SPEN: variants seen among roughly 807,000 people sequenced by gnomAD.
SPEN encodes msx2-interacting protein.
A neutral mutation model predicts 269.9 loss-of-function variants in SPEN; 18 were observed. The ratio of observed to expected loss-of-function variants is 0.07; its 90% CI spans 0.05 to 0.10. SPEN has a LOEUF of 0.10. Ranked by LOEUF, SPEN falls within the 10% of genes least tolerant of loss-of-function variation. The pLI is 1.00. For missense variants in SPEN, 3,822 were observed against 4,631.2 expected (o/e 0.83, Z 5.07); for synonymous variants, 1,726 against 1,765.7 (o/e 0.98, Z 0.56).
rs1254408756 is a variant in SPEN, at chr1:15,937,047, T to C, written c.10027-116T>C. 6.9e-7 allele frequency: 1 copy of C among 1,451,300 alleles called. No homozygotes were observed. Among genetic ancestry groups the C allele is most frequent in the East Asian group, 2.3e-5 (1 of 43,632 alleles). 89.9% of individuals were successfully genotyped at this position (1,451,300 alleles called of 1,614,324 possible). A position where few individuals can be genotyped will look rare whatever the true frequency, so the allele number is the denominator to read the frequency against. ...TCAGGCTCCTTCTGTGGGCCTGACTTAACGGGAGATGCCACATCTTATCCT... is the reference window on the plus strand; with the variant it reads ...TCAGGCTCCTTCTGTGGGCCTGACTCAACGGGAGATGCCACATCTTATCCT... On this transcript the variant is annotated intron_variant, in intron 11 of 14. Coordinates refer to ENST00000375759, the MANE Select transcript of SPEN (RefSeq NM_015001.3). This position sits in a 1 kb window ranked among gnomAD's most constrained non-coding sequence, Gnocchi z 5.7.
Position 15,937,603 on chromosome 1 carries a change from C to G in SPEN, c.10467C>G (p.His3489Gln). 1 of 1,614,140 alleles carries G rather than the reference C, an allele frequency of 6.2e-7. No homozygotes were observed. Among genetic ancestry groups the G allele is most frequent in the Non-Finnish European group, 8.5e-7 (1 of 1,179,954 alleles). Residue 3489 changes from histidine to glutamine, a missense_variant, in exon 12 of 15, where the codon CAC becomes CAG. His to Gln is a conservative substitution (Grantham distance 24). Coordinates refer to ENST00000375759, the MANE Select transcript of SPEN (RefSeq NM_015001.3). The surrounding 1 kb of genome is among the most constrained non-coding windows in gnomAD (Gnocchi z 5.7). ...CCCCCAAACAAGATTCCTCTCCACA[C>G]CTGACTTCCCAGAGACCCGTGGATA... is the stretch of plus-strand genomic sequence containing the variant. ...QPAPKQDSSP[H>Q]LTSQRPVDMV...
intron 1 of SPEN, among the ~76,000 whole-genome samples, chr1:15,871,898 G>A (rs1040186767): frequency 6.6e-6 from 1 of 152,094 alleles, no homozygotes; most frequent in Non-Finnish European, 1.5e-5. Flanking sequence ...CTTAGGTTCA[G>A]TAGTCGTTTT....
intron 3 of SPEN, among the ~76,000 whole-genome samples, chr1:15,881,482 C>G (rs1388056171): frequency 6.6e-6 from 1 of 152,154 alleles, no homozygotes; most frequent in Non-Finnish European, 1.5e-5. Context: ...GCAGAATGAA[C>G]TTTCTGGTGA....
At position 15,937,203 on chromosome 1, in the gene SPEN, CT is replaced by C; in HGVS notation, c.10068del (p.Val3357CysfsTer43). 1 of 1,613,674 alleles carries C rather than the reference CT, an allele frequency of 6.2e-7. No individual in the cohort carries two copies. Among genetic ancestry groups the C allele is most frequent in the Non-Finnish European group, 8.5e-7 (1 of 1,179,960 alleles). ...PEGEPLQPPQ[P>X]VQSTQPAQPA... The stretch of plus-strand genomic sequence containing the variant: ...GGTGAGCCCCTGCAGCCTCCTCAGC[CT>C]GTGCAGTCCACACAGCCTGCCCAGC... On this transcript the variant is annotated frameshift_variant, in exon 12 of 15. Transcript: ENST00000375759. LOFTEE classifies it high-confidence loss of function. This position sits in a 1 kb window ranked among gnomAD's most constrained non-coding sequence, Gnocchi z 5.7.
rs372933509 is a variant in SPEN at position 15,935,200 on chromosome 1, C to T, written c.8960C>T (p.Pro2987Leu). 1 of 1,614,156 alleles carries T rather than the reference C, an allele frequency of 6.2e-7. No homozygotes were observed. Among genetic ancestry groups the T allele is most frequent in the Non-Finnish European group, 8.5e-7 (1 of 1,180,014 alleles). Residue 2987 changes from proline (P) to leucine (L), a missense_variant, in exon 11 of 15, where the codon CCT becomes CTT. Physicochemically the swap from Pro to Leu is moderately conservative, Grantham distance 98. Transcript: ENST00000375759. This position sits in a 1 kb window ranked among gnomAD's most constrained non-coding sequence, Gnocchi z 7.7. ...GGGTCCACGCTCACGCCCCACCACC[C>T]TCCTGCTCTGCCCAGCAAACTGCCT... ...NLGSTLTPHH[P>L]PALPSKLPTE...
chr1:15,898,173 T>TTGTGTGTG (rs58297957), intron 3 of SPEN, among the ~76,000 whole-genome samples: 4,074 of 147,420 alleles, frequency 0.028, 84 homozygotes, highest in Non-Finnish European at 0.037. Context: ...TAATTTATCT[T>TTGTGTGTG]TGTGTGTGTG....
At chr1:15,851,594 G>T (rs1444346319) in intron 1 of SPEN, among the ~76,000 whole-genome samples, 2 of 152,316 alleles carry the variant, frequency 1.3e-5, no homozygotes, top group Middle Eastern at 3.4e-3. Flanking sequence ...CAGATTTTAA[G>T]TAAGTTGCGA....
Position 15,873,070 on chromosome 1 carries a change from G to A in SPEN, c.338G>A (p.Gly113Glu), listed in dbSNP as rs760634012. The change falls in exon 2 of 15, where the codon GGG becomes GAG. Residue 113 changes from glycine (G) to glutamate (E), a missense_variant. Gly to Glu is a moderately conservative substitution (Grantham distance 98, BLOSUM62 -2). This residue lies in a region of SPEN where 327 missense variants were observed against 350.8 expected (regional missense o/e 0.93). Transcript: ENST00000375759. ...TCTGGGTTCAGAGGAGGTGGTGGAG[G>A]GCCTGCTTATGGTCCCCCACCGTCA... ...EVSGFRGGGG[G>E]PAYGPPPSLH... The A allele has an allele frequency of 6.2e-7, 1 of 1,614,086 alleles. No homozygotes were observed.
intron 1 of SPEN, among the ~76,000 whole-genome samples, chr1:15,868,438 CTTTT>C (rs35701730): frequency 7.0e-6 from 1 of 141,984 alleles, no homozygotes; most frequent in Non-Finnish European, 1.5e-5. Flanking sequence ...TAGAATAAAA[CTTTT>C]TTTTTTTTTT....
chr1:15,924,373 C>T (rs2071147523), intron 10 of SPEN, among the ~76,000 whole-genome samples: 1 of 152,188 alleles, frequency 6.6e-6, no homozygotes, highest in Non-Finnish European at 1.5e-5. Context: ...CCTCTGTGTA[C>T]ATTAAATATT....
rs770502205 is a variant in SPEN, at chr1:15,937,656, G to A, written c.10509+11G>A. 7.5e-6 allele frequency: 12 copies of A among 1,609,854 alleles called. No homozygotes were observed. Among genetic ancestry groups the A allele is most frequent in the African/African-American group, 1.3e-5 (1 of 74,822 alleles). On this transcript the variant is annotated intron_variant, in intron 12 of 14. Coordinates refer to ENST00000375759, the MANE Select transcript of SPEN (RefSeq NM_015001.3). This position sits in a 1 kb window ranked among gnomAD's most constrained non-coding sequence, Gnocchi z 5.7. ...GTTCAACTTCTGAAGGTAAGCATGA[G>A]CAGGGGCTGCCCTTCCTGGCCCCCA...
chr1:15,893,371 G>A (rs1314275019), intron 3 of SPEN, among the ~76,000 whole-genome samples: 3 of 152,168 alleles, frequency 2.0e-5, no homozygotes, highest in Admixed American at 2.0e-4. Context: ...AATATGCTGT[G>A]TCATGGTGTG....
At chr1:15,849,278 A>T (rs959240879) in intron 1 of SPEN, among the ~76,000 whole-genome samples, 1 of 152,234 alleles carries the variant, frequency 6.6e-6, no homozygotes, top group Admixed American at 6.5e-5. Context: ...CTATGTAGTG[A>T]GTGAAGGAAA....
intron 3 of SPEN, among the ~76,000 whole-genome samples, chr1:15,904,463 A>AAAAAAAAAAAAAAAG (rs2070935495): frequency 6.7e-6 from 1 of 149,120 alleles, no homozygotes; most frequent in Non-Finnish European, 1.5e-5. Flanking sequence ...AAAAAAAAAA[A>AAAAAAAAAAAAAAAG]AAAAAAAAAA....
At chr1:15,884,430 AT>A (rs2148715486) in intron 3 of SPEN, among the ~76,000 whole-genome samples, 1 of 152,290 alleles carries the variant, frequency 6.6e-6, no homozygotes, top group East Asian at 1.9e-4. Context: ...AAATGCTGTC[AT>A]TTTTGTAGTC....
At chr1:15,885,672 T>G (rs971095857) in intron 3 of SPEN, among the ~76,000 whole-genome samples, 8 of 152,366 alleles carry the variant, frequency 5.3e-5, no homozygotes, top group Admixed American at 5.2e-4. Flanking sequence ...TGCCTCATTT[T>G]GAGCGGCTCT....
In SPEN at chr1:15,848,117, T is replaced by C; in HGVS notation, c.50T>C (p.Val17Ala). The C allele has an allele frequency of 6.7e-7, 1 of 1,499,516 alleles. No homozygotes were observed. Among genetic ancestry groups the C allele is most frequent in the Non-Finnish European group, 9.0e-7 (1 of 1,116,898 alleles). 92.9% of individuals were successfully genotyped at this position (1,499,516 alleles called of 1,614,324 possible). The change falls in exon 1 of 15, where the codon GTG (valine) becomes GCG (alanine). Residue 17 changes from valine to alanine, a missense_variant. Transcript: ENST00000375759. The surrounding 1 kb of genome is among the most constrained non-coding windows in gnomAD (Gnocchi z 5.1). ...HLWVGNLPEN[V>A]REEKIIEHFK... ...TGGGTGGGCAACTTACCCGAGAACGTGCGGGAAGAGAAGATCATCGAGCAT... is the reference window on the plus strand; with the variant it reads ...TGGGTGGGCAACTTACCCGAGAACGCGCGGGAAGAGAAGATCATCGAGCAT...
Position 15,931,463 on chromosome 1 carries a change from G to A in SPEN, c.5223G>A (p.Ser1741=), listed in dbSNP as rs918355139. The change falls in exon 11 of 15, where the codon TCG becomes TCA. Residue 1741 remains serine (S), a synonymous_variant. Transcript: ENST00000375759. The surrounding 1 kb of genome is among the most constrained non-coding windows in gnomAD (Gnocchi z 4.8). ...CCAAGCCTCCAACTCCCGGGGCCTC[G>A]TTTTCCCAGGCAGAGAGCAACGTAG... is the stretch of plus-strand genomic sequence containing the variant. ...LDAKPPTPGA[S]FSQAESNVDP... 25 of 1,613,956 alleles carry A rather than the reference G, an allele frequency of 1.5e-5. No homozygotes were observed. In the Admixed American group the frequency reaches 2.2e-4, roughly 14 times the overall value.
At chr1:15,883,468 C>A (rs903497675) in intron 3 of SPEN, among the ~76,000 whole-genome samples, 1 of 151,998 alleles carries the variant, frequency 6.6e-6, no homozygotes, top group Non-Finnish European at 1.5e-5. Flanking sequence ...GTTGCCCAGG[C>A]TAGAGTGCAG....
Sources: gnomAD v4.1 joint callset for allele counts (sites outside exome capture counted in the v4.1 genomes callset) on GRCh38, gnomAD v4.1.1 for gene constraint, gnomAD v4.1.1 regional missense constraint, Gnocchi (gnomAD v3.1) non-coding constraint, MANE v1.5 for transcripts, NCBI Gene and HGNC (gene_info 2026-07-23, HGNC 2026-07-21) for gene names.